Variants in AKAP13 observed in about 807,000 individuals in gnomAD.
AKAP13 encodes the protein A-kinase anchoring protein 13.
In AKAP13, 80 loss-of-function variants were observed where a neutral mutation model predicts 264.5. The ratio of observed to expected loss-of-function variants is 0.30; its 90% CI spans 0.25 to 0.36. AKAP13 has a LOEUF of 0.36. Ranked by LOEUF, AKAP13 falls within the 10% of genes least tolerant of loss-of-function variation. The probability of loss-of-function intolerance (pLI) is 1.00; values close to 1 mark genes in which losing one functional copy is unlikely to be tolerated. For synonymous variants in AKAP13, 1,380 were observed against 1,250.2 expected, an observed-to-expected ratio of 1.10 and a Z score of -2.19; for missense variants, 3,712 against 3,435.2, an observed-to-expected ratio of 1.08 and a Z score of -2.01.
chr15:85,584,093 G>C (rs529608898), intron 7 of AKAP13, among the ~76,000 whole-genome samples: 1 of 152,170 alleles, frequency 6.6e-6, no homozygotes, highest in African/African-American at 2.4e-5. Flanking sequence ...GCACCTGAGT[G>C]TGATCTCAGA....
At chr15:85,405,467 A>G (rs968730677) in intron 1 of AKAP13, among the ~76,000 whole-genome samples, 2 of 152,238 alleles carry the variant, frequency 1.3e-5, no homozygotes. Context: ...TGTGGATACA[A>G]AAATTGGAGA....
rs889113401 is a variant in AKAP13 at position 85,691,593 on chromosome 15, C to G, written c.5290-1684C>G. ...CTGTCTCTAGAACATTTCTGACATT[C>G]CTGCAGTATTCTTAAGGTGACATGG... On this transcript the variant is annotated intron_variant, in intron 16 of 36. Transcript: ENST00000394518. Among the ~76,000 whole-genome samples the G allele has an allele frequency of 3.9e-5, 6 of 152,346 alleles. No individual in the cohort carries two copies. The South Asian group carries it at 1.2e-3, about 32-fold the overall frequency.
intron 5 of AKAP13, among the ~76,000 whole-genome samples, chr15:85,559,843 C>T (rs2078296615): frequency 6.6e-6 from 1 of 152,246 alleles, no homozygotes; most frequent in South Asian, 2.1e-4. Context: ...TGGTTTGTGG[C>T]ATGGGAGTTG....
rs371641503 is a variant in AKAP13, at chr15:85,409,958, C to A, written c.-12+29160C>A. 4.6e-5 allele frequency among the ~76,000 whole-genome samples: 7 copies of A among 151,556 alleles called. No individual in the cohort carries two copies. In the East Asian group the frequency reaches 1.2e-3, roughly 25 times the overall value. Reference sequence around the variant, plus strand: ...ATGCAGCTAGTAGTTTTTTAATGAACCTTAAATTATAAGGGAGGTTGTTGC... The same window carrying A: ...ATGCAGCTAGTAGTTTTTTAATGAAACTTAAATTATAAGGGAGGTTGTTGC... On this transcript the variant is annotated intron_variant, in intron 1 of 36. Coordinates refer to ENST00000394518, the MANE Select transcript of AKAP13 (RefSeq NM_007200.5).
intron 1 of AKAP13, among the ~76,000 whole-genome samples, chr15:85,474,477 T>A (rs1054636508): frequency 2.0e-5 from 3 of 152,238 alleles, no homozygotes; most frequent in Admixed American, 1.3e-4. Context: ...TTGCTTGGTG[T>A]ATAAGAGCAA....
At chr15:85,553,062 A>ATATAATC (rs2078017005) in intron 5 of AKAP13, among the ~76,000 whole-genome samples, 1 of 151,142 alleles carries the variant, frequency 6.6e-6, no homozygotes, top group South Asian at 2.1e-4. Flanking sequence ...TAGAGTTTTA[A>ATATAATC]TATAATCTAA....
intron 6 of AKAP13, 42 bp from the exon 7 acceptor site, chr15:85,578,885 TCTC>T (rs1426455022): frequency 1.3e-6 from 2 of 1,571,308 alleles, no homozygotes; most frequent in South Asian, 1.2e-5. Context: ...AGTGACATCT[TCTC>T]CTACAGGCAG....
At chr15:85,389,851 C>T (rs1161337743) in intron 1 of AKAP13, 6 of 152,206 alleles carry the variant, frequency 3.9e-5, no homozygotes, top group African/African-American at 1.4e-4. Context: ...AGCAGAAAAC[C>T]TGCTAGACAG....
At chr15:85,459,770 AT>A (rs2074436757) in intron 1 of AKAP13, among the ~76,000 whole-genome samples, 1 of 152,170 alleles carries the variant, frequency 6.6e-6, no homozygotes, top group Admixed American at 6.5e-5. Flanking sequence ...AAGTGCTGGG[AT>A]TACAGGCGTG....
intron 8 of AKAP13, chr15:85,619,902 A>T (rs1013163928): frequency 1.4e-6 from 2 of 1,429,608 alleles, no homozygotes; most frequent in Admixed American, 5.7e-5. Flanking sequence ...AAGGCATTGG[A>T]TTCTGCTTGA....
chr15:85,718,753 A>G lies in AKAP13; in HGVS notation c.6002-323A>G. 3.4e-6 allele frequency: 1 copy of G among 294,690 alleles called. No homozygotes were observed. The highest frequency in any genetic ancestry group is 3.4e-5 in the South Asian group (1 of 29,426). 18.3% of individuals were successfully genotyped at this position (294,690 alleles called of 1,614,324 possible). On this transcript the variant is annotated intron_variant, in intron 22 of 36. Transcript: ENST00000394518. The surrounding 1 kb of genome is among the most constrained non-coding windows in gnomAD (Gnocchi z 4.9). ...CATTTCTATAAAAAATACAAAAATC[A>G]GCCAGGCGTGATGGCATGTACCTGC...
In AKAP13 at chr15:85,718,235, A is replaced by G. The variant is rs2087065531; in HGVS notation, c.6001+76A>G. The G allele has an allele frequency of 5.2e-6, 8 of 1,551,242 alleles. No homozygotes were observed. Among genetic ancestry groups the G allele is most frequent in the South Asian group, 1.2e-5 (1 of 84,086 alleles). On this transcript the variant is annotated intron_variant, in intron 22 of 36. Coordinates refer to ENST00000394518, the MANE Select transcript of AKAP13 (RefSeq NM_007200.5). The surrounding 1 kb of genome is among the most constrained non-coding windows in gnomAD (Gnocchi z 4.9). ...TTTTTAAGCAGTAATTTGTTGGACT[A>G]TGAAAAATCAGTTTTTTAGTATGTG...
At position 85,718,760 on chromosome 15, in the gene AKAP13, C is replaced by T. The variant is rs923569904; in HGVS notation, c.6002-316C>T. The T allele has an allele frequency of 1.9e-5, 6 of 307,946 alleles. No homozygotes were observed. Among genetic ancestry groups the T allele is most frequent in the African/African-American group, 1.1e-4 (5 of 44,890 alleles). The allele number at this position is 307,946 out of a possible 1,614,324, so 19.1% of individuals were successfully genotyped here. On this transcript the variant is annotated intron_variant, in intron 22 of 36. Transcript: ENST00000394518. The surrounding 1 kb of genome is among the most constrained non-coding windows in gnomAD (Gnocchi z 4.9). ...ATAAAAAATACAAAAATCAGCCAGG[C>T]GTGATGGCATGTACCTGCAGCCCCA... is the stretch of plus-strand genomic sequence containing the variant.
At chr15:85,707,217 T>C (rs1356941211) in intron 17 of AKAP13, among the ~76,000 whole-genome samples, 1 of 152,194 alleles carries the variant, frequency 6.6e-6, no homozygotes. Context: ...TATGTGACTT[T>C]ATAGCAGCGC....
At chr15:85,592,406 T>C (rs955689297) in intron 8 of AKAP13, among the ~76,000 whole-genome samples, 4 of 152,214 alleles carry the variant, frequency 2.6e-5, no homozygotes, top group African/African-American at 9.6e-5. Context: ...CAACAACTTA[T>C]AATGCTGATA....
intron 8 of AKAP13, among the ~76,000 whole-genome samples, chr15:85,616,031 A>T (rs8034676): frequency 6.6e-6 from 1 of 151,978 alleles, no homozygotes. Context: ...TTGATCATTG[A>T]TGAGTCATTA....
intron 1 of AKAP13, among the ~76,000 whole-genome samples, chr15:85,428,226 T>C (rs1344442223): frequency 6.6e-6 from 1 of 152,104 alleles, no homozygotes; most frequent in Non-Finnish European, 1.5e-5. Flanking sequence ...TGAGACAGAG[T>C]TTTGCTCTTG....
intron 1 of AKAP13, among the ~76,000 whole-genome samples, chr15:85,390,300 T>C (rs760186106): frequency 6.6e-5 from 10 of 151,956 alleles, no homozygotes; most frequent in South Asian, 4.2e-4. Flanking sequence ...TTAGCAGAGA[T>C]TGGGGAGGTC....
Position 85,719,196 on chromosome 15 carries a change from G to C in AKAP13, c.6122G>C (p.Cys2041Ser), listed in dbSNP as rs763218797. The stretch of plus-strand genomic sequence containing the variant: ...CAGATGGTAGAAAAGCTGTTCCCCT[G>C]TTTGGATGAGCTGATCAGTATCCAT... ...EQQMVEKLFP[C>S]LDELISIHSQ... Residue 2041 changes from cysteine to serine, a missense_variant, in exon 23 of 37, where the codon TGT becomes TCT. Physicochemically the swap from Cys to Ser is moderately radical, Grantham distance 112 (BLOSUM62 -1). Around this residue, in one of 3 missense-constraint regions of AKAP13, gnomAD observed 342 missense variants for 484.3 expected, o/e 0.71. Coordinates refer to ENST00000394518, the MANE Select transcript of AKAP13 (RefSeq NM_007200.5). 1.2e-5 allele frequency: 19 copies of C among 1,614,080 alleles called. No homozygotes were observed. In the African/African-American group the frequency reaches 2.5e-4, roughly 22 times the overall value.
Sources: gnomAD v4.1 joint callset for allele counts (sites outside exome capture counted in the v4.1 genomes callset) on GRCh38, gnomAD v4.1.1 for gene constraint, gnomAD v4.1.1 regional missense constraint, Gnocchi (gnomAD v3.1) non-coding constraint, MANE v1.5 for transcripts, NCBI Gene and HGNC (gene_info 2026-07-23, HGNC 2026-07-21) for gene names.